Variants in RIDA observed in about 807,000 individuals in gnomAD.
RIDA encodes 2-iminobutanoate/2-iminopropanoate deaminase.
RIDA carries 17 observed loss-of-function variants against 17.8 expected under a neutral mutation model. The ratio of observed to expected loss-of-function variants is 0.96; its 90% CI spans 0.65 to 1.43. The LOEUF (loss-of-function observed/expected upper bound fraction) is 1.43. RIDA is among the 40% of genes most tolerant of loss of function. RIDA has a pLI of 0.00. For missense variants in RIDA, 158 were observed against 161.7 expected, an observed-to-expected ratio of 0.98 and a Z score of 0.12; for synonymous variants, 48 against 55.7, an observed-to-expected ratio of 0.86 and a Z score of 0.62.
At chr8:98,110,439 T>C (rs1345240625) in intron 1 of RIDA, among the ~76,000 whole-genome samples, 1 of 152,084 alleles carries the variant, frequency 6.6e-6, no homozygotes, top group Non-Finnish European at 1.5e-5. Context: ...TTTGCATTTT[T>C]AGTAGAGATG....
chr8:98,109,280 T>C (rs952825446), intron 1 of RIDA, among the ~76,000 whole-genome samples: 2 of 152,136 alleles, frequency 1.3e-5, no homozygotes, highest in Non-Finnish European at 2.9e-5. Context: ...CCTAATAAAG[T>C]ACCTATATCC....
rs34364402 is a variant in RIDA, at chr8:98,108,847, TAAA to T, written c.66-99_66-97del. 1,713 of 527,448 alleles carry T rather than the reference TAAA, an allele frequency of 3.2e-3. 2 individuals carry two copies. The highest frequency in any genetic ancestry group is 4.7e-3 in the African/African-American group (236 of 50,444). 32.7% of individuals were successfully genotyped at this position (527,448 alleles called of 1,614,324 possible). A position where few individuals can be genotyped will look rare whatever the true frequency, so the allele number is the denominator to read the frequency against. On this transcript the variant is annotated intron_variant, in intron 1 of 5. Transcript: ENST00000254878. Reference sequence around the variant, plus strand: ...TGATAGGACAGAGAAGTATAAATTGTAAAAAAAAAAAAACAGATACATTGGACT... The same window carrying T: ...TGATAGGACAGAGAAGTATAAATTGTAAAAAAAAAACAGATACATTGGACT...
chr8:98,108,158 G>C (rs1488566711), intron 2 of RIDA, among the ~76,000 whole-genome samples: 1 of 152,100 alleles, frequency 6.6e-6, no homozygotes, highest in African/African-American at 2.4e-5. Context: ...CAAGTGATCT[G>C]CCAGCCTCGG....
At chr8:98,104,803 C>T (rs543722788) in intron 4 of RIDA, among the ~76,000 whole-genome samples, 1 of 152,104 alleles carries the variant, frequency 6.6e-6, no homozygotes, top group South Asian at 2.1e-4. Context: ...CTCTGTCTCC[C>T]ATGTTCAAGA....
intron 1 of RIDA, among the ~76,000 whole-genome samples, chr8:98,112,684 T>C (rs184558957): frequency 5.5e-4 from 84 of 152,318 alleles, no homozygotes; most frequent in African/African-American, 2.0e-3. Context: ...TAATTTGTAA[T>C]CTTTTCTCGG....
rs374798582 is a variant in RIDA, at chr8:98,110,083, C to A, written c.66-1332G>T. 1.0e-3 allele frequency among the ~76,000 whole-genome samples: 158 copies of A among 152,252 alleles called. 2 individuals carry two copies. Among genetic ancestry groups the A allele is most frequent in the Middle Eastern group, 3.4e-3 (1 of 294 alleles). Reference sequence around the variant, plus strand: ...ATTGTCTTATTTCACTTAAATGAAACCTTAGAAAAGAAAATAGCAGCAGCA... The same window carrying A: ...ATTGTCTTATTTCACTTAAATGAAAACTTAGAAAAGAAAATAGCAGCAGCA... On this transcript the variant is annotated intron_variant, in intron 1 of 5. Coordinates refer to ENST00000254878, the MANE Select transcript of RIDA (RefSeq NM_005836.3).
chr8:98,108,805 AT>A, intron 1 of RIDA, 54 bp from the exon 2 acceptor site: 1 of 1,158,860 alleles, frequency 8.6e-7, no homozygotes, highest in Non-Finnish European at 1.3e-6. Flanking sequence ...ATAAAATTCA[AT>A]GCTAGAAGAC....
intron 4 of RIDA, 65 bp from the exon 5 acceptor site, chr8:98,104,609 A>T: frequency 1.1e-6 from 1 of 951,066 alleles, no homozygotes; most frequent in Non-Finnish European, 1.6e-6. Context: ...TCAAGTGAAA[A>T]TTTTTATTTT....
At chr8:98,107,072 A>T (rs1464155749) in intron 2 of RIDA, among the ~76,000 whole-genome samples, 2 of 152,198 alleles carry the variant, frequency 1.3e-5, no homozygotes, top group African/African-American at 4.8e-5. Flanking sequence ...TTAAACACAC[A>T]AGCACACATG....
intron 1 of RIDA, among the ~76,000 whole-genome samples, chr8:98,111,801 T>C (rs898605107): frequency 6.6e-6 from 1 of 152,096 alleles, no homozygotes; most frequent in Non-Finnish European, 1.5e-5. Flanking sequence ...TTATAATTTA[T>C]TTTTGAATAG....
intron 1 of RIDA, among the ~76,000 whole-genome samples, chr8:98,110,504 C>T (rs1315434270): frequency 2.0e-5 from 3 of 152,198 alleles, no homozygotes; most frequent in African/African-American, 7.2e-5. Flanking sequence ...AGGTGATCCG[C>T]CTGCCTCCGC....
At chr8:98,106,521 G>T in intron 2 of RIDA, 195 bp from the exon 3 acceptor site, 1 of 534,184 alleles carries the variant, frequency 1.9e-6, no homozygotes, top group Non-Finnish European at 3.4e-6. Context: ...TGAAAATGTT[G>T]TCTCCTTTTG....
chr8:98,105,272 C>T (rs1171634080), intron 4 of RIDA, among the ~76,000 whole-genome samples: 1 of 152,014 alleles, frequency 6.6e-6, no homozygotes, highest in Non-Finnish European at 1.5e-5. Context: ...GCAAGTACTT[C>T]CTCTGCCAAC....
rs1815572317 is a variant in RIDA at position 98,102,449 on chromosome 8, G to A, written c.*393C>T. ...ATTTAAACACTTTAATTTTACTCAA[G>A]TAAAAGCAGAATCACATAACGGACA... On this transcript the variant is annotated 3_prime_UTR_variant, in exon 6 of 6. Coordinates refer to ENST00000254878, the MANE Select transcript of RIDA (RefSeq NM_005836.3). The A allele has an allele frequency of 6.5e-6, 1 of 154,672 alleles. No individual in the cohort carries two copies. The highest frequency in any genetic ancestry group is 2.4e-5 in the African/African-American group (1 of 41,526). The allele number at this position is 154,672 out of a possible 1,614,324, so 9.6% of individuals were successfully genotyped here. A position where few individuals can be genotyped will look rare whatever the true frequency, so the allele number is the denominator to read the frequency against.
rs993075858 is a variant in RIDA, at chr8:98,116,923, G to A, written c.65+109C>T. The stretch of plus-strand genomic sequence containing the variant: ...TTCGGGCGCGTTGCTTACTTTCCAG[G>A]CTCAATTTCCTTGCGTGTTAGCTGG... On this transcript the variant is annotated intron_variant, in intron 1 of 5. Transcript: ENST00000254878. 5 of 884,820 alleles carry A rather than the reference G, an allele frequency of 5.7e-6. No homozygotes were observed. The Admixed American group carries it at 6.9e-5, about 12-fold the overall frequency. The allele number at this position is 884,820 out of a possible 1,614,324, so 54.8% of individuals were successfully genotyped here. A position where few individuals can be genotyped will look rare whatever the true frequency, so the allele number is the denominator to read the frequency against.
At position 98,117,114 on chromosome 8, in the gene RIDA, T is replaced by G. The variant is rs775375075; in HGVS notation, c.-18A>C. On this transcript the variant is annotated 5_prime_UTR_variant, in exon 1 of 6. Transcript: ENST00000254878. ...GACGACATGGCTAAGCCTTCCCTCT[T>G]GCAGCCCCTTCAGGAGAAGAAGCCC... is the stretch of plus-strand genomic sequence containing the variant. 3 of 1,613,422 alleles carry G rather than the reference T, an allele frequency of 1.9e-6. No individual in the cohort carries two copies. Among genetic ancestry groups the G allele is most frequent in the Non-Finnish European group, 2.5e-6 (3 of 1,179,334 alleles).
chr8:98,106,420 A>C, intron 2 of RIDA, 94 bp from the exon 3 acceptor site: 1 of 1,109,612 alleles, frequency 9.0e-7, no homozygotes, highest in Non-Finnish European at 1.4e-6. Context: ...TACCTCCTTA[A>C]ATAGCCTATG....
intron 4 of RIDA, among the ~76,000 whole-genome samples, chr8:98,105,711 T>C (rs999769125): frequency 6.6e-6 from 1 of 152,184 alleles, no homozygotes; most frequent in African/African-American, 2.4e-5. Flanking sequence ...GAAAAATGGA[T>C]ATGTAGGATT....
At chr8:98,105,647 A>T (rs1815622758) in intron 4 of RIDA, among the ~76,000 whole-genome samples, 4 of 152,198 alleles carry the variant, frequency 2.6e-5, no homozygotes, top group African/African-American at 7.2e-5. Context: ...TGCATAAAAA[A>T]CTTGTTAGGA....
Sources: gnomAD v4.1 joint callset for allele counts (sites outside exome capture counted in the v4.1 genomes callset) on GRCh38, gnomAD v4.1.1 for gene constraint, MANE v1.5 for transcripts, NCBI Gene and HGNC (gene_info 2026-07-23, HGNC 2026-07-21) for gene names.